SPAST: variants seen among roughly 807,000 people sequenced by gnomAD.
SPAST encodes the protein spastin, also known as spastic paraplegia 4 (autosomal dominant; spastin).
SPAST carries 30 observed loss-of-function variants against 76.6 expected under a neutral mutation model. The ratio of observed to expected loss-of-function variants is 0.39; its 90% CI spans 0.29 to 0.53. The LOEUF (loss-of-function observed/expected upper bound fraction) is 0.53, where lower values mean the gene tolerates loss of function less well. Ranked by LOEUF, SPAST falls within the 20% of genes least tolerant of loss-of-function variation. The pLI is 0.68. For synonymous variants in SPAST, 305 were observed against 281.0 expected (o/e 1.09, Z -0.86); for missense variants, 717 against 770.5 (o/e 0.93, Z 0.82).
At chr2:32,085,897 C>G (rs1269577022) in intron 1 of SPAST, among the ~76,000 whole-genome samples, 2 of 151,946 alleles carry the variant, frequency 1.3e-5, no homozygotes, top group African/African-American at 4.8e-5. Context: ...CAAAAATTAG[C>G]TGGGTGTGGT....
rs2148685510 is a variant in SPAST, at chr2:32,064,029, G to C, written c.198G>C (p.Leu66Phe). Residue 66 changes from leucine (L) to phenylalanine (F), a missense_variant, in exon 1 of 17, where the codon TTG becomes TTC. Around this residue, in one of 3 missense-constraint regions of SPAST, gnomAD observed 543 missense variants for 445.2 expected, o/e 1.22. Transcript: ENST00000315285. The part of the protein sequence containing the change: ...PLFVGFALLR[L>F]VAFHLGLLFV... ...TTGTAGGCTTCGCGCTGCTGCGTTTGGTCGCCTTCCACCTGGGGCTCCTCT... is the reference window on the plus strand; with the variant it reads ...TTGTAGGCTTCGCGCTGCTGCGTTTCGTCGCCTTCCACCTGGGGCTCCTCT... 2 of 1,613,406 alleles carry C rather than the reference G, an allele frequency of 1.2e-6. No individual in the cohort carries two copies. The highest frequency in any genetic ancestry group is 1.7e-6 in the Non-Finnish European group (2 of 1,179,576).
At chr2:32,085,750 C>G (rs185691411) in intron 1 of SPAST, among the ~76,000 whole-genome samples, 5 of 151,974 alleles carry the variant, frequency 3.3e-5, no homozygotes, top group African/African-American at 1.2e-4. Context: ...AATAAGACTT[C>G]ATGTGGCCAG....
At chr2:32,070,402 C>T (rs545128561) in intron 1 of SPAST, among the ~76,000 whole-genome samples, 2 of 152,126 alleles carry the variant, frequency 1.3e-5, no homozygotes, top group East Asian at 1.9e-4. Context: ...TTCATAAAGG[C>T]CTTAATTTAT....
chr2:32,149,546 G>A (rs976039503), intron 16 of SPAST, among the ~76,000 whole-genome samples: 1 of 152,164 alleles, frequency 6.6e-6, no homozygotes, highest in Non-Finnish European at 1.5e-5. Context: ...TTGAATTACA[G>A]TCAGCCTTTT....
chr2:32,087,597 A>T lies in SPAST; in HGVS notation c.502+19A>T, dbSNP rs759362017. ...GGACAAGGTAAGATTGTATTTGTTT[A>T]TAGCCATCCCAAATTATGATATATT... On this transcript the variant is annotated intron_variant, in intron 2 of 16. Transcript: ENST00000315285. 3.9e-6 allele frequency: 5 copies of T among 1,295,454 alleles called. No individual in the cohort carries two copies. The highest frequency in any genetic ancestry group is 3.9e-4 in the Middle Eastern group (2 of 5,170). The allele number at this position is 1,295,454 out of a possible 1,614,324, so 80.2% of individuals were successfully genotyped here.
rs537855621 is a variant in SPAST, at chr2:32,098,835, C to G, written c.626C>G (p.Thr209Arg). Residue 209 changes from threonine (T) to arginine (R), a missense_variant, in exon 4 of 17, where the codon ACG (threonine) becomes AGG (arginine). Thr to Arg is a moderately conservative substitution (Grantham distance 71). Around this residue, in one of 3 missense-constraint regions of SPAST, gnomAD observed 543 missense variants for 445.2 expected, o/e 1.22. Transcript: ENST00000315285. ...QPVLPFSKSQ[T>R]DVYNDSTNLA... is the part of the protein sequence containing the mutation. ...GTTTTGCCATTTTCCAAGTCACAAACGGACGTCTATAATGACAGTACTAAC... is the reference window on the plus strand; with the variant it reads ...GTTTTGCCATTTTCCAAGTCACAAAGGGACGTCTATAATGACAGTACTAAC... 6.2e-7 allele frequency: 1 copy of G among 1,613,768 alleles called. No homozygotes were observed. Among genetic ancestry groups the G allele is most frequent in the Non-Finnish European group, 8.5e-7 (1 of 1,179,816 alleles).
intron 1 of SPAST, among the ~76,000 whole-genome samples, chr2:32,078,611 T>C (rs1311367142): frequency 6.6e-6 from 1 of 152,124 alleles, no homozygotes; most frequent in Non-Finnish European, 1.5e-5. Context: ...GATAATGGCA[T>C]TGCACTCCAG....
intron 9 of SPAST, among the ~76,000 whole-genome samples, chr2:32,135,465 ATTTCT>A (rs1679506874): frequency 6.6e-6 from 1 of 152,106 alleles, no homozygotes; most frequent in Admixed American, 6.6e-5. Flanking sequence ...ATCTGGTGAC[ATTTCT>A]TTTGTTTTTA....
intron 4 of SPAST, among the ~76,000 whole-genome samples, chr2:32,103,417 G>A (rs1247945052): frequency 1.3e-5 from 2 of 152,074 alleles, no homozygotes; most frequent in Non-Finnish European, 2.9e-5. Context: ...CAAAAAACCA[G>A]CTCCTGGATT....
chr2:32,118,722 A>G (rs1403473475), intron 7 of SPAST, among the ~76,000 whole-genome samples: 3 of 152,228 alleles, frequency 2.0e-5, no homozygotes, highest in Non-Finnish European at 4.4e-5. Flanking sequence ...ATACCTTTCT[A>G]AGATTAGAGC....
chr2:32,093,652 G>T (rs1254085857), intron 3 of SPAST, among the ~76,000 whole-genome samples: 2 of 152,186 alleles, frequency 1.3e-5, no homozygotes, highest in Middle Eastern at 3.4e-3. Context: ...AAACTCTATG[G>T]AGGAGGGATC....
At chr2:32,088,460 C>A (rs1380735339) in intron 2 of SPAST, among the ~76,000 whole-genome samples, 1 of 152,202 alleles carries the variant, frequency 6.6e-6, no homozygotes, top group Non-Finnish European at 1.5e-5. Flanking sequence ...GCCTGATCAA[C>A]ATGGAGAAAC....
At chr2:32,135,539 T>A (rs1679508655) in intron 9 of SPAST, among the ~76,000 whole-genome samples, 1 of 152,132 alleles carries the variant, frequency 6.6e-6, no homozygotes, top group Admixed American at 6.6e-5. Context: ...ATTTTTACAG[T>A]AGATTATCAC....
At chr2:32,131,906 C>T (rs551392281) in intron 9 of SPAST, among the ~76,000 whole-genome samples, 233 of 151,716 alleles carry the variant, frequency 1.5e-3, no homozygotes, top group Non-Finnish European at 2.4e-3. Flanking sequence ...GTGATCCGCC[C>T]GCATCTACCT....
chr2:32,147,633 T>C (rs1297887674), intron 16 of SPAST, among the ~76,000 whole-genome samples: 1 of 140,180 alleles, frequency 7.1e-6, no homozygotes, highest in Non-Finnish European at 1.5e-5. Context: ...TTTGTTTGTT[T>C]GTTTGTTTGT....
intron 4 of SPAST, among the ~76,000 whole-genome samples, chr2:32,101,313 AT>A (rs1452972582): frequency 6.6e-6 from 1 of 151,692 alleles, no homozygotes; most frequent in Non-Finnish European, 1.5e-5. Context: ...GGGTTGTTTG[AT>A]TTTTTTCTTG....
At chr2:32,079,403 C>T (rs1342976287) in intron 1 of SPAST, among the ~76,000 whole-genome samples, 1 of 150,488 alleles carries the variant, frequency 6.6e-6, no homozygotes, top group Non-Finnish European at 1.5e-5. Context: ...CCCAGCTATT[C>T]AAGAGGCTGA....
At chr2:32,081,321 C>T (rs1402747974) in intron 1 of SPAST, among the ~76,000 whole-genome samples, 4 of 150,552 alleles carry the variant, frequency 2.7e-5, no homozygotes, top group Admixed American at 2.0e-4. Flanking sequence ...GTCTTGATCT[C>T]CTGACCTCGT....
chr2:32,072,881 C>A (rs80001301), intron 1 of SPAST, among the ~76,000 whole-genome samples: 3,480 of 152,230 alleles, frequency 0.023, 113 homozygotes, highest in African/African-American at 0.078. Flanking sequence ...TTTGAAGTTT[C>A]TCTGATTAAA....
Sources: allele counts gnomAD v4.1 joint callset (sites outside exome capture counted in the v4.1 genomes callset), GRCh38; gene constraint gnomAD v4.1.1; regional missense constraint gnomAD v4.1.1; transcripts MANE v1.5; gene names NCBI Gene and HGNC (gene_info 2026-07-23, HGNC 2026-07-21).